Variants in RCOR3 observed in about 807,000 individuals in gnomAD.
RCOR3 encodes the protein REST corepressor 3.
A neutral mutation model predicts 64.1 loss-of-function variants in RCOR3; 13 were observed. The ratio of observed to expected loss-of-function variants is 0.20; its 90% CI spans 0.13 to 0.32. The LOEUF is 0.32. Ranked by LOEUF, RCOR3 falls within the 10% of genes least tolerant of loss-of-function variation. RCOR3 has a pLI of 1.00. For synonymous variants in RCOR3, 215 were observed against 239.0 expected, an observed-to-expected ratio of 0.90 and a Z score of 0.93; for missense variants, 489 against 701.2, an observed-to-expected ratio of 0.70 and a Z score of 3.42.
chr1:211,261,120 G>T (rs550372321), intron 2 of RCOR3: 2 of 151,958 alleles, frequency 1.3e-5, no homozygotes, highest in Non-Finnish European at 2.9e-5. Context: ...CTTACAGTTT[G>T]TCAATTTTTG....
chr1:211,308,676 T>G (rs1558111454), intron 10 of RCOR3, among the ~76,000 whole-genome samples: 476 of 35,802 alleles, frequency 0.013, 6 homozygotes, highest in African/African-American at 0.033. Flanking sequence ...TTTTTTTGTT[T>G]TTTTTTTGTT....
chr1:211,306,154 A>G (rs774172168), intron 10 of RCOR3, among the ~76,000 whole-genome samples: 1 of 152,136 alleles, frequency 6.6e-6, no homozygotes, highest in Admixed American at 6.5e-5. Context: ...AGCTATTTTA[A>G]AGAGAATTTT....
Position 211,259,983 on chromosome 1 carries a change from A to C in RCOR3, c.167-125A>C, listed in dbSNP as rs1344883915. Reference sequence around the variant, plus strand: ...ATCTCCCGGAGTGCCCCGAGTTGATATCTTCCCATCCACCCGCCGCTTCTT... The same window carrying C: ...ATCTCCCGGAGTGCCCCGAGTTGATCTCTTCCCATCCACCCGCCGCTTCTT... On this transcript the variant is annotated intron_variant, in intron 1 of 11. Transcript: ENST00000419091. 1.4e-5 allele frequency: 18 copies of C among 1,271,314 alleles called. 1 individual carries two copies. The East Asian group carries it at 5.6e-4, about 39-fold the overall frequency. The allele number at this position is 1,271,314 out of a possible 1,614,324, so 78.8% of individuals were successfully genotyped here. A position where few individuals can be genotyped will look rare whatever the true frequency, so the allele number is the denominator to read the frequency against.
chr1:211,308,734 C>CAA (rs1701186392), intron 10 of RCOR3, among the ~76,000 whole-genome samples: 2 of 82,538 alleles, frequency 2.4e-5, no homozygotes, highest in Non-Finnish European at 4.6e-5. Flanking sequence ...TTTTTTGAGA[C>CAA]AGAGTCTCAC....
chr1:211,312,457 T>C lies in RCOR3; in HGVS notation c.1076-263T>C. On this transcript the variant is annotated intron_variant, in intron 10 of 11. Coordinates refer to ENST00000419091, the MANE Select transcript of RCOR3 (RefSeq NM_001136223.3). The surrounding 1 kb of genome is among the most constrained non-coding windows in gnomAD (Gnocchi z 5.0). ...CTGTATTTGAGAGTTCAAGAGAGGA[T>C]TGGAGAAAATAACTGAGTATGTAAA... The C allele has an allele frequency of 1.7e-6, 1 of 581,042 alleles. No individual in the cohort carries two copies. The highest frequency in any genetic ancestry group is 3.3e-6 in the Non-Finnish European group (1 of 305,142). 36.0% of individuals were successfully genotyped at this position (581,042 alleles called of 1,614,324 possible).
At chr1:211,278,379 A>G in intron 6 of RCOR3, 138 bp downstream of exon 6, 2 of 985,794 alleles carry the variant, frequency 2.0e-6, no homozygotes, top group Non-Finnish European at 3.0e-6. Flanking sequence ...TCTGACAAGA[A>G]GAGCCAAGTG....
intron 8 of RCOR3, among the ~76,000 whole-genome samples, chr1:211,293,084 C>T (rs1310426872): frequency 9.5e-5 from 3 of 31,514 alleles, no homozygotes; most frequent in African/African-American, 3.4e-4. Flanking sequence ...ACTCTGTCTC[C>T]AAAAATAAAT....
At chr1:211,286,989 G>T (rs1698633834) in intron 7 of RCOR3, among the ~76,000 whole-genome samples, 1 of 152,104 alleles carries the variant, frequency 6.6e-6, no homozygotes, top group African/African-American at 2.4e-5. Flanking sequence ...TTTGAGACCT[G>T]GGTTTAAAGT....
chr1:211,308,673 G>GTTTTTTTTTTTTTT (rs545513442), intron 10 of RCOR3, among the ~76,000 whole-genome samples: 14 of 40,472 alleles, frequency 3.5e-4, no homozygotes, highest in African/African-American at 7.1e-4. Context: ...TTTTTTTTTT[G>GTTTTTTTTTTTTTT]TTTTTTTTTT....
At chr1:211,287,752 G>A (rs990278433) in intron 7 of RCOR3, among the ~76,000 whole-genome samples, 6 of 152,054 alleles carry the variant, frequency 3.9e-5, no homozygotes, top group African/African-American at 7.2e-5. Context: ...ATGGTGGCGG[G>A]TGCCTGTAAT....
Position 211,313,388 on chromosome 1 carries a change from C to T in RCOR3, c.1318-36C>T, listed in dbSNP as rs755377805. 7.0e-6 allele frequency: 11 copies of T among 1,581,434 alleles called. No individual in the cohort carries two copies. The highest frequency in any genetic ancestry group is 2.3e-5 in the South Asian group (2 of 86,344). On this transcript the variant is annotated intron_variant, in intron 11 of 11. Coordinates refer to ENST00000419091, the MANE Select transcript of RCOR3 (RefSeq NM_001136223.3). The surrounding 1 kb of genome is among the most constrained non-coding windows in gnomAD (Gnocchi z 4.7). Reference sequence around the variant, plus strand: ...ATTGTATTAAGTTCATTAGGACTTACATCTCATACGTGTATTTTTGTTTCC... The same window carrying T: ...ATTGTATTAAGTTCATTAGGACTTATATCTCATACGTGTATTTTTGTTTCC...
Position 211,295,761 on chromosome 1 carries a change from A to G in RCOR3, c.1017+8A>G. ...GAATTCAAACCTCCTGAGGTATGTTATTGAAGGATACATGTGATTAAGTAT... is the reference window on the plus strand; with the variant it reads ...GAATTCAAACCTCCTGAGGTATGTTGTTGAAGGATACATGTGATTAAGTAT... On this transcript the variant is annotated splice_region_variant and intron_variant, in intron 9 of 11. Coordinates refer to ENST00000419091, the MANE Select transcript of RCOR3 (RefSeq NM_001136223.3). 2 of 1,609,282 alleles carry G rather than the reference A, an allele frequency of 1.2e-6. No homozygotes were observed. Among genetic ancestry groups the G allele is most frequent in the Non-Finnish European group, 8.5e-7 (1 of 1,175,826 alleles).
chr1:211,293,736 A>G (rs780197210), intron 8 of RCOR3, among the ~76,000 whole-genome samples: 66 of 152,196 alleles, frequency 4.3e-4, no homozygotes, highest in Non-Finnish European at 7.9e-4. Context: ...ATGTCTATCT[A>G]ACATGGCCAG....
At position 211,265,697 on chromosome 1, in the gene RCOR3, G is replaced by A. The variant is rs182528772; in HGVS notation, c.223+5533G>A. 4.3e-3 allele frequency among the ~76,000 whole-genome samples: 658 copies of A among 152,228 alleles called. 4 individuals are homozygous for A. Among genetic ancestry groups the A allele is most frequent in the African/African-American group, 0.015 (630 of 41,540 alleles). Reference sequence around the variant, plus strand: ...TTGCACCATTGCACTCCAGCCTGGCGACAGAGCGAGACTCTGTCTCAAATA... The same window carrying A: ...TTGCACCATTGCACTCCAGCCTGGCAACAGAGCGAGACTCTGTCTCAAATA... On this transcript the variant is annotated intron_variant, in intron 2 of 11. Transcript: ENST00000419091.
At chr1:211,271,525 C>G (rs1476849197) in intron 3 of RCOR3, 10 of 622,166 alleles carry the variant, frequency 1.6e-5, no homozygotes, top group Non-Finnish European at 3.0e-5. Flanking sequence ...CAATTTGTGT[C>G]AGGCCCATGA....
At chr1:211,269,561 C>T (rs575631965) in intron 2 of RCOR3, among the ~76,000 whole-genome samples, 2 of 152,050 alleles carry the variant, frequency 1.3e-5, no homozygotes, top group African/African-American at 2.4e-5. Flanking sequence ...CACGCCATTG[C>T]ACTCCAGCCT....
chr1:211,288,159 C>T (rs1035819278), intron 7 of RCOR3, among the ~76,000 whole-genome samples: 14 of 151,440 alleles, frequency 9.2e-5, no homozygotes, highest in Non-Finnish European at 1.6e-4. Context: ...CTACAGTAAG[C>T]AGTGCTCATG....
intron 8 of RCOR3, among the ~76,000 whole-genome samples, chr1:211,289,994 G>T (rs1699046392): frequency 6.6e-6 from 1 of 152,174 alleles, no homozygotes; most frequent in African/African-American, 2.4e-5. Flanking sequence ...TAGTATAGTG[G>T]TTGAGAGGAA....
chr1:211,308,668 T>G (rs1701128832), intron 10 of RCOR3, among the ~76,000 whole-genome samples: 1 of 25,128 alleles, frequency 4.0e-5, no homozygotes, highest in African/African-American at 9.1e-5. Flanking sequence ...TGTGTTTTTT[T>G]TTTTGTTTTT....
Sources: allele counts gnomAD v4.1 joint callset (sites outside exome capture counted in the v4.1 genomes callset), GRCh38; gene constraint gnomAD v4.1.1; non-coding constraint Gnocchi (gnomAD v3.1); transcripts MANE v1.5; gene names NCBI Gene and HGNC (gene_info 2026-07-23, HGNC 2026-07-21).